Variants in ITPK1 observed in about 807,000 individuals in gnomAD.
ITPK1 encodes the protein inositol 1,3,4-trisphosphate 5/6-kinase.
A neutral mutation model predicts 45.3 loss-of-function variants in ITPK1; 21 were observed. The observed-to-expected ratio is 0.46, with a 90% CI of 0.33 to 0.67. The LOEUF (loss-of-function observed/expected upper bound fraction) is 0.67. Ranked by LOEUF, ITPK1 falls within the 30% of genes least tolerant of loss-of-function variation. ITPK1 has a pLI of 0.02. For synonymous variants in ITPK1, 258 were observed against 253.6 expected (o/e 1.02, Z -0.16); for missense variants, 474 against 573.5 (o/e 0.83, Z 1.77).
chr14:93,092,225 C>T (rs1891892993), intron 2 of ITPK1, among the ~76,000 whole-genome samples: 1 of 152,208 alleles, frequency 6.6e-6, no homozygotes, highest in Admixed American at 6.5e-5. Context: ...CCACCAGCAC[C>T]CATGGAAAGG....
At chr14:92,981,280 A>G (rs1044654334) in intron 5 of ITPK1, among the ~76,000 whole-genome samples, 3 of 152,050 alleles carry the variant, frequency 2.0e-5, no homozygotes, top group Admixed American at 6.5e-5. Flanking sequence ...CAGCCTCCCA[A>G]TGGCCTCCCT....
chr14:93,037,651 TG>T (rs1889377879), intron 3 of ITPK1, among the ~76,000 whole-genome samples: 1 of 152,148 alleles, frequency 6.6e-6, no homozygotes, highest in Non-Finnish European at 1.5e-5. Flanking sequence ...TGACAAGGTG[TG>T]GTCCGGATGT....
At position 93,027,361 on chromosome 14, in the gene ITPK1, C is replaced by T. The variant is rs184690140; in HGVS notation, c.121-10560G>A. 3.4e-3 allele frequency among the ~76,000 whole-genome samples: 521 copies of T among 152,294 alleles called. 3 individuals carry two copies. Among genetic ancestry groups the T allele is most frequent in the Admixed American group, 6.7e-3 (103 of 15,308 alleles). On this transcript the variant is annotated intron_variant, in intron 3 of 10. Transcript: ENST00000267615. ...GCTTAGATTCAAATCCAGCCAATAA[C>T]TAACATCCATCGAGCACCTCTGTGC...
chr14:92,969,633 C>A (rs956816175), intron 5 of ITPK1, among the ~76,000 whole-genome samples: 3 of 152,200 alleles, frequency 2.0e-5, no homozygotes, highest in African/African-American at 7.2e-5. Flanking sequence ...GTTCCTCCCT[C>A]TCGATCACGA....
chr14:93,042,418 G>A (rs1378472926), intron 3 of ITPK1, among the ~76,000 whole-genome samples: 3 of 152,152 alleles, frequency 2.0e-5, no homozygotes, highest in Admixed American at 6.5e-5. Flanking sequence ...CACATGTTTG[G>A]GTCACCAAAA....
intron 5 of ITPK1, among the ~76,000 whole-genome samples, chr14:92,988,001 CA>C (rs113151270): frequency 6.6e-6 from 1 of 152,232 alleles, no homozygotes; most frequent in East Asian, 1.9e-4. Context: ...AGGGGAGCCA[CA>C]AGCACAATCC....
intron 2 of ITPK1, among the ~76,000 whole-genome samples, chr14:93,113,471 G>A (rs1197745473): frequency 6.6e-6 from 1 of 152,220 alleles, no homozygotes; most frequent in Non-Finnish European, 1.5e-5. Context: ...CAAAGGGTGC[G>A]AGGTATTCGC....
chr14:93,095,227 T>C (rs1451664248), intron 2 of ITPK1, among the ~76,000 whole-genome samples: 1 of 152,176 alleles, frequency 6.6e-6, no homozygotes. Flanking sequence ...CTACCGCTGA[T>C]TGGGGCCTAC....
chr14:93,064,478 C>A (rs1259950217), intron 3 of ITPK1, among the ~76,000 whole-genome samples: 1 of 152,054 alleles, frequency 6.6e-6, no homozygotes, highest in Non-Finnish European at 1.5e-5. Flanking sequence ...CCCCAGGACA[C>A]CTGATCAAAG....
At position 93,100,689 on chromosome 14, in the gene ITPK1, C is replaced by T. The variant is rs774293299; in HGVS notation, c.95+14380G>A. 3.9e-5 allele frequency among the ~76,000 whole-genome samples: 6 copies of T among 152,140 alleles called. No individual in the cohort carries two copies. The East Asian group carries it at 7.7e-4, about 20-fold the overall frequency. ...CCAATACATCCCCTTTATTACCGAACCCGCTCAGCACTGAGGCTCCTGTCA... is the reference window on the plus strand; with the variant it reads ...CCAATACATCCCCTTTATTACCGAATCCGCTCAGCACTGAGGCTCCTGTCA... On this transcript the variant is annotated intron_variant, in intron 2 of 10. Transcript: ENST00000267615.
intron 4 of ITPK1, among the ~76,000 whole-genome samples, chr14:93,015,314 G>C (rs1316670439): frequency 6.6e-6 from 1 of 152,196 alleles, no homozygotes; most frequent in Non-Finnish European, 1.5e-5. Context: ...TGAGGGCTGT[G>C]GGGATCAAAT....
At chr14:93,025,374 T>C (rs1056593849) in intron 3 of ITPK1, among the ~76,000 whole-genome samples, 19 of 152,262 alleles carry the variant, frequency 1.2e-4, no homozygotes, top group African/African-American at 4.3e-4. Context: ...TTGACTTTTC[T>C]GTAATTCAAA....
rs1887340692 is a variant in ITPK1, at chr14:92,940,897, G to T, written c.*664C>A. The T allele has an allele frequency of 7.8e-7, 1 of 1,288,412 alleles. No individual in the cohort carries two copies. The highest frequency in any genetic ancestry group is 1.0e-6 in the Non-Finnish European group (1 of 988,774). The allele number at this position is 1,288,412 out of a possible 1,614,324, so 79.8% of individuals were successfully genotyped here. On this transcript the variant is annotated 3_prime_UTR_variant, in exon 11 of 11. Transcript: ENST00000267615. ...AGGGCTAAATGGGACGTGTGTTGGG[G>T]GGCCCAGAGGACGCCCAGCTTCCTT...
chr14:93,094,898 G>A (rs907125525), intron 2 of ITPK1, among the ~76,000 whole-genome samples: 5 of 152,216 alleles, frequency 3.3e-5, no homozygotes, highest in South Asian at 2.1e-4. Context: ...GCTCCACAGC[G>A]TCACGCCTTG....
rs756577672 is a variant in ITPK1 at position 92,939,098 on chromosome 14, C to T, written c.*2463G>A. ...CGATGCTGGCGGGGCCAACTCCAGGCGCCGTGCCTGCACAGCACCACACAA... is the reference window on the plus strand; with the variant it reads ...CGATGCTGGCGGGGCCAACTCCAGGTGCCGTGCCTGCACAGCACCACACAA... On this transcript the variant is annotated 3_prime_UTR_variant, in exon 11 of 11. Transcript: ENST00000267615. The T allele has an allele frequency of 1.4e-4, 22 of 155,436 alleles. No homozygotes were observed. Among genetic ancestry groups the T allele is most frequent in the Non-Finnish European group, 3.1e-4 (22 of 70,188 alleles). 9.6% of individuals were successfully genotyped at this position (155,436 alleles called of 1,614,324 possible). A position where few individuals can be genotyped will look rare whatever the true frequency, so the allele number is the denominator to read the frequency against.
At position 92,981,631 on chromosome 14, in the gene ITPK1, C is replaced by T. The variant is rs116320734; in HGVS notation, c.364+12249G>A. ...GTATCTGATTCTTGAAAACATTCTT[C>T]CCTCCTTTGCATACTTATTGAGCAG... is the stretch of plus-strand genomic sequence containing the variant. On this transcript the variant is annotated intron_variant, in intron 5 of 10. Transcript: ENST00000267615. 3.6e-3 allele frequency among the ~76,000 whole-genome samples: 555 copies of T among 152,318 alleles called. 6 individuals are homozygous for T. Among genetic ancestry groups the T allele is most frequent in the African/African-American group, 0.013 (541 of 41,570 alleles).
intron 3 of ITPK1, chr14:93,066,323 T>G (rs1158683004): frequency 2.4e-6 from 1 of 425,262 alleles, no homozygotes; most frequent in South Asian, 1.7e-5. Context: ...TGTGTGTATG[T>G]GTGTGTGTGT....
At chr14:93,039,558 C>T (rs1262732357) in intron 3 of ITPK1, among the ~76,000 whole-genome samples, 1 of 152,236 alleles carries the variant, frequency 6.6e-6, no homozygotes, top group African/African-American at 2.4e-5. Flanking sequence ...GCCCAAGGTG[C>T]TTGGTGTCAG....
At chr14:93,029,382 A>C (rs1457780537) in intron 3 of ITPK1, among the ~76,000 whole-genome samples, 1 of 152,120 alleles carries the variant, frequency 6.6e-6, no homozygotes, top group Admixed American at 6.5e-5. Context: ...AGAGGTGAGA[A>C]TCTTCAGGTT....
Sources: gnomAD v4.1 joint callset for allele counts (sites outside exome capture counted in the v4.1 genomes callset) on GRCh38, gnomAD v4.1.1 for gene constraint, MANE v1.5 for transcripts, NCBI Gene and HGNC (gene_info 2026-07-23, HGNC 2026-07-21) for gene names.